Variants in STK38 observed in about 807,000 individuals in gnomAD.
STK38 encodes the protein serine/threonine-protein kinase 38.
Under a neutral mutation model 59.0 loss-of-function variants are expected in STK38, and 26 were observed. The observed-to-expected ratio is 0.44, with a 90% confidence interval of 0.32 to 0.61. The LOEUF is 0.61. STK38 is among the 20% of genes least tolerant of loss of function. The pLI is 0.04. For synonymous variants in STK38, 175 were observed against 176.6 expected, an observed-to-expected ratio of 0.99 and a Z score of 0.07; for missense variants, 433 against 566.0, an observed-to-expected ratio of 0.76 and a Z score of 2.38.
chr6:36,545,583 T>C (rs1212783770), intron 1 of STK38, among the ~76,000 whole-genome samples: 1 of 152,184 alleles, frequency 6.6e-6, no homozygotes, highest in Non-Finnish European at 1.5e-5. Context: ...ATAAAAAATT[T>C]AGCCTAATTC....
intron 1 of STK38, among the ~76,000 whole-genome samples, chr6:36,542,952 AT>A (rs1408996088): frequency 2.3e-4 from 35 of 152,248 alleles, no homozygotes; most frequent in African/African-American, 8.4e-4. Context: ...CTCAAAAAAA[AT>A]AAATAAATAA....
intron 2 of STK38, among the ~76,000 whole-genome samples, chr6:36,537,329 T>C (rs1019240279): frequency 2.0e-5 from 3 of 152,194 alleles, no homozygotes; most frequent in Non-Finnish European, 4.4e-5. Flanking sequence ...GAAAAAGGTC[T>C]AGCAGTTTCT....
At position 36,525,636 on chromosome 6, in the gene STK38, C is replaced by A; in HGVS notation, c.138G>T (p.Lys46Asn). 1 of 1,613,448 alleles carries A rather than the reference C, an allele frequency of 6.2e-7. No individual in the cohort carries two copies. Among genetic ancestry groups the A allele is most frequent in the Non-Finnish European group, 8.5e-7 (1 of 1,179,526 alleles). ...AQHEEREMRQ[K>N]KLEKVMEEEG... The stretch of plus-strand genomic sequence containing the variant: ...CTTCTTCCATCACCTTTTCTAACTT[C>A]TTTTGTCTAAAACAAACAAAAACAA... Residue 46 changes from lysine to asparagine, a missense_variant, in exon 3 of 14, where the codon AAG (lysine) becomes AAT (asparagine). Coordinates refer to ENST00000229812, the MANE Select transcript of STK38 (RefSeq NM_007271.4).
At chr6:36,533,163 A>G (rs944146089) in intron 2 of STK38, among the ~76,000 whole-genome samples, 6 of 152,058 alleles carry the variant, frequency 3.9e-5, no homozygotes, top group African/African-American at 1.2e-4. Flanking sequence ...TGTTTTTCTT[A>G]AAGAGATGGC....
intron 2 of STK38, among the ~76,000 whole-genome samples, chr6:36,531,088 C>G (rs1777656633): frequency 6.6e-6 from 1 of 152,182 alleles, no homozygotes; most frequent in South Asian, 2.1e-4. Flanking sequence ...TGAAGAACAT[C>G]AGGAGGTCTG....
At chr6:36,511,981 A>C (rs1228745968) in intron 7 of STK38, among the ~76,000 whole-genome samples, 1 of 151,972 alleles carries the variant, frequency 6.6e-6, no homozygotes, top group Non-Finnish European at 1.5e-5. Flanking sequence ...ATTGCTTGAA[A>C]CTGGGAGGCA....
At chr6:36,504,898 CAAAAAAAAAAA>C (rs562032331) in intron 9 of STK38, among the ~76,000 whole-genome samples, 40 of 64,076 alleles carry the variant, frequency 6.2e-4, no homozygotes, top group Non-Finnish European at 1.1e-3. Context: ...TCCTGGCCTC[CAAAAAAAAAAA>C]AAAAAAAAAA....
chr6:36,538,784 C>T lies in STK38; in HGVS notation c.131+1288G>A, dbSNP rs139833140. ...GCGCATGCCTGTAATCCCAGCTACTCGGGAGGCTGAGGCAGGAGAATCACT... is the reference window on the plus strand; with the variant it reads ...GCGCATGCCTGTAATCCCAGCTACTTGGGAGGCTGAGGCAGGAGAATCACT... On this transcript the variant is annotated intron_variant, in intron 2 of 13. Transcript: ENST00000229812. Among the ~76,000 whole-genome samples the T allele has an allele frequency of 5.0e-3, 740 of 147,202 alleles. 7 individuals are homozygous for T. Among genetic ancestry groups the T allele is most frequent in the Non-Finnish European group, 7.8e-3 (522 of 67,160 alleles).
chr6:36,496,017 G>T, intron 13 of STK38, 103 bp from the exon 14 acceptor site: 9 of 1,287,246 alleles, frequency 7.0e-6, no homozygotes, highest in South Asian at 4.4e-5. Flanking sequence ...GTTTCTATTT[G>T]GGAAAGCTTA....
chr6:36,497,686 C>T (rs1776736802), intron 12 of STK38, 94 bp downstream of exon 12: 9 of 980,526 alleles, frequency 9.2e-6, no homozygotes, highest in South Asian at 8.7e-5. Context: ...GCTCTCTTCC[C>T]TTACTTGGCT....
At chr6:36,540,272 T>C (rs1777902286) in intron 1 of STK38, 65 bp from the exon 2 acceptor site, 2 of 1,521,032 alleles carry the variant, frequency 1.3e-6, no homozygotes, top group African/African-American at 1.4e-5. Context: ...TGCACTCTCC[T>C]ACCCTATTGG....
Position 36,506,667 on chromosome 6 carries a change from G to T in STK38, c.773-23C>A, listed in dbSNP as rs777416540. 3 of 1,608,878 alleles carry T rather than the reference G, an allele frequency of 1.9e-6. No homozygotes were observed. The East Asian group carries it at 6.7e-5, about 36-fold the overall frequency. ...AAGCTGAAAGTAAAGAATACAAGCT[G>T]CAGTCAAAGTTCAGACCAAAATGTT... is the stretch of plus-strand genomic sequence containing the variant. On this transcript the variant is annotated intron_variant, in intron 8 of 13. Transcript: ENST00000229812.
At chr6:36,522,596 C>T (rs191248720) in intron 4 of STK38, 60 of 152,164 alleles carry the variant, frequency 3.9e-4, no homozygotes, top group African/African-American at 1.4e-3. Flanking sequence ...GTAGCTCACA[C>T]CTATAATCTC....
chr6:36,504,771 C>G (rs558055533), intron 9 of STK38, among the ~76,000 whole-genome samples: 8 of 151,740 alleles, frequency 5.3e-5, no homozygotes, highest in Non-Finnish European at 1.2e-4. Flanking sequence ...CTAATCATGA[C>G]ATGACCCTTG....
rs1309519160 is a variant in STK38, at chr6:36,524,398, T to C, written c.249A>G (p.Arg83=). The change falls in exon 4 of 14, where the codon AGA becomes AGG. Residue 83 remains arginine, a synonymous_variant. Coordinates refer to ENST00000229812, the MANE Select transcript of STK38 (RefSeq NM_007271.4). ...ETEFLRLKRT[R]LGLEDFESLK... ...AGGACTCAAAATCTTCCAATCCAAG[T>C]CTTGTTCTCTTCAAACGAAGAAACT... 6.2e-7 allele frequency: 1 copy of C among 1,613,730 alleles called. No individual in the cohort carries two copies. Among genetic ancestry groups the C allele is most frequent in the Admixed American group, 1.7e-5 (1 of 59,924 alleles).
rs763717523 is a variant in STK38 at position 36,496,781 on chromosome 6, A to G, written c.1197T>C (p.Ile399=). 4 of 1,613,222 alleles carry G rather than the reference A, an allele frequency of 2.5e-6. No homozygotes were observed. In the South Asian group the frequency reaches 3.3e-5, roughly 13 times the overall value. ...AGGTATCATCAATGCTTTTGATTTC[A>G]ATAGATATTGCAGCAGGTCTCTCTC... ...HIRERPAAIS[I]EIKSIDDTSN... The change falls in exon 13 of 14, where the codon ATT becomes ATC. Residue 399 remains isoleucine (I), a synonymous_variant. Transcript: ENST00000229812.
chr6:36,495,895 A>G lies in STK38; in HGVS notation c.1287T>C (p.Pro429=), dbSNP rs772292570. 3.1e-6 allele frequency: 5 copies of G among 1,614,072 alleles called. No homozygotes were observed. The highest frequency in any genetic ancestry group is 4.2e-6 in the Non-Finnish European group (5 of 1,179,958). Residue 429 remains proline (P), a synonymous_variant, in exon 14 of 14, where the codon CCT becomes CCC. Coordinates refer to ENST00000229812, the MANE Select transcript of STK38 (RefSeq NM_007271.4). ...LKPTVATSNH[P]ETDYKNKDWV... Reference sequence around the variant, plus strand: ...AGTCTTTGTTCTTGTAGTCAGTCTCAGGATGATTACTTGTGGCCACTGGGA... The same window carrying G: ...AGTCTTTGTTCTTGTAGTCAGTCTCGGGATGATTACTTGTGGCCACTGGGA...
chr6:36,547,173 G>C lies in STK38; in HGVS notation c.-6+17C>G, dbSNP rs992448543. 6.5e-6 allele frequency: 1 copy of C among 153,110 alleles called. No individual in the cohort carries two copies. Among genetic ancestry groups the C allele is most frequent in the Non-Finnish European group, 1.5e-5 (1 of 68,654 alleles). 9.5% of individuals were successfully genotyped at this position (153,110 alleles called of 1,614,324 possible). A position where few individuals can be genotyped will look rare whatever the true frequency, so the allele number is the denominator to read the frequency against. Reference sequence around the variant, plus strand: ...AACCCCGGGATGGAGTGAAGACGGCGGCAGCAAGCAACTCACCAGAGCCCA... The same window carrying C: ...AACCCCGGGATGGAGTGAAGACGGCCGCAGCAAGCAACTCACCAGAGCCCA... On this transcript the variant is annotated intron_variant, in intron 1 of 13. Coordinates refer to ENST00000229812, the MANE Select transcript of STK38 (RefSeq NM_007271.4).
rs543086541 is a variant in STK38, at chr6:36,507,419, C to T, written c.772+81G>A. On this transcript the variant is annotated intron_variant, in intron 8 of 13. Transcript: ENST00000229812. ...TACTCAAAGTGTGAGAATCTCCTAT[C>T]TGTTCTAATTTGGTTACAAGGGAAA... The T allele has an allele frequency of 6.3e-6, 7 of 1,111,144 alleles. No individual in the cohort carries two copies. In the East Asian group the frequency reaches 1.7e-4, roughly 26 times the overall value. The allele number at this position is 1,111,144 out of a possible 1,614,324, so 68.8% of individuals were successfully genotyped here.
Sources: gnomAD v4.1 joint callset for allele counts (sites outside exome capture counted in the v4.1 genomes callset) on GRCh38, gnomAD v4.1.1 for gene constraint, MANE v1.5 for transcripts, NCBI Gene and HGNC (gene_info 2026-07-23, HGNC 2026-07-21) for gene names.